The following MTMR1 variants were observed in gnomAD, a reference collection of about 807,000 sequenced individuals.
MTMR1 encodes phosphatidylinositol-3-phosphate phosphatase MTMR1.
In MTMR1, 17 loss-of-function variants were observed where a neutral mutation model predicts 51.6. That is an observed-to-expected ratio of 0.33 (90% CI 0.23 to 0.49). The LOEUF (loss-of-function observed/expected upper bound fraction) is 0.49, where lower values mean the gene tolerates loss of function less well. Ranked by LOEUF, MTMR1 falls within the 20% of genes least tolerant of loss-of-function variation. MTMR1 has a pLI of 0.99. For synonymous variants in MTMR1, 201 were observed against 205.6 expected (o/e 0.98, Z 0.19); for missense variants, 386 against 526.9 (o/e 0.73, Z 2.62).
At chrX:150,698,464 A>G (rs1051086849) in intron 1 of MTMR1, among the ~76,000 whole-genome samples, 5 of 111,136 alleles carry the variant, frequency 4.5e-5, no homozygotes, top group African/African-American at 1.6e-4. Flanking sequence ...TCAAAAGTAC[A>G]CTATTTTCTA....
At chrX:150,746,010 T>C (rs1383041237) in intron 13 of MTMR1, among the ~76,000 whole-genome samples, 1 of 112,307 alleles carries the variant, frequency 8.9e-6, no homozygotes, top group African/African-American at 3.2e-5. Flanking sequence ...GGGACTCTTA[T>C]TGAAATGCAG....
chrX:150,693,851 C>G (rs1272553620), intron 1 of MTMR1, among the ~76,000 whole-genome samples, 175 bp downstream of exon 1: 1 of 110,198 alleles, frequency 9.1e-6, no homozygotes, highest in African/African-American at 3.3e-5. Flanking sequence ...CCTCAGCGCC[C>G]CATCCGGGGA....
At chrX:150,758,599 T>C (rs2042976968) in intron 15 of MTMR1, among the ~76,000 whole-genome samples, 1 of 111,668 alleles carries the variant, frequency 9.0e-6, no homozygotes, top group South Asian at 3.7e-4. Context: ...GAGACCAGCC[T>C]GACCAACATG....
rs2043214124 is a variant in MTMR1, at chrX:150,763,852, T to C, written c.*1123T>C. ...TCTCTTCCCGCTCCTGAACCTTTACTTACTGACTTTGAGCTCTGTGACTCC... is the reference window on the plus strand; with the variant it reads ...TCTCTTCCCGCTCCTGAACCTTTACCTACTGACTTTGAGCTCTGTGACTCC... On this transcript the variant is annotated 3_prime_UTR_variant, in exon 16 of 16. Transcript: ENST00000445323. 1 of 112,513 alleles carries C rather than the reference T, an allele frequency of 8.9e-6. No individual in the cohort carries two copies. The highest frequency in any genetic ancestry group is 3.2e-5 in the African/African-American group (1 of 30,960). 9.3% of individuals were successfully genotyped at this position (112,513 alleles called of 1,213,427 possible).
At chrX:150,708,016 A>G (rs782171125) in intron 2 of MTMR1, among the ~76,000 whole-genome samples, 1 of 112,469 alleles carries the variant, frequency 8.9e-6, no homozygotes, top group East Asian at 2.8e-4. Context: ...CATTCTTCAA[A>G]TGGCAAAATG....
chrX:150,694,053 G>C (rs782006687), intron 1 of MTMR1, among the ~76,000 whole-genome samples: 1 of 111,641 alleles, frequency 9.0e-6, no homozygotes, highest in African/African-American at 3.3e-5. Context: ...TCCCACCCGG[G>C]CTCTCCTCTT....
intron 4 of MTMR1, among the ~76,000 whole-genome samples, chrX:150,719,473 CT>C (rs1298557089): frequency 8.9e-6 from 1 of 111,860 alleles, no homozygotes; most frequent in African/African-American, 3.3e-5. Flanking sequence ...CCATGCTTAT[CT>C]TGTCCTTGGT....
intron 13 of MTMR1, 137 bp downstream of exon 13, chrX:150,744,590 C>T (rs150124381): frequency 3.4e-4 from 176 of 516,926 alleles, no homozygotes; most frequent in Middle Eastern, 8.9e-4. Flanking sequence ...GATTCTAATT[C>T]GCTTAGAAAT....
intron 12 of MTMR1, among the ~76,000 whole-genome samples, chrX:150,741,708 G>A (rs2042427902): frequency 1.8e-5 from 2 of 112,623 alleles, no homozygotes; most frequent in African/African-American, 3.2e-5. Context: ...CTGACATTCC[G>A]AGGGCCAGGC....
chrX:150,750,432 G>C (rs1223760544), intron 13 of MTMR1, among the ~76,000 whole-genome samples: 1 of 111,732 alleles, frequency 8.9e-6, no homozygotes, highest in African/African-American at 3.3e-5. Flanking sequence ...CAGCTTGCTA[G>C]ATGTTTCTGA....
chrX:150,718,737 A>G (rs782431446), intron 4 of MTMR1, 37 bp downstream of exon 4: 1 of 1,154,068 alleles, frequency 8.7e-7, no homozygotes, highest in Non-Finnish European at 1.2e-6. Context: ...TTTGAGATCC[A>G]TAAAATGAAA....
intron 13 of MTMR1, among the ~76,000 whole-genome samples, chrX:150,747,277 C>G (rs2042599246): frequency 9.2e-6 from 1 of 109,207 alleles, no homozygotes; most frequent in Admixed American, 9.8e-5. Flanking sequence ...AGTGAGACAC[C>G]CCATCTCTTC....
chrX:150,713,888 GAAAC>G (rs2041399903), intron 3 of MTMR1, among the ~76,000 whole-genome samples: 1 of 100,534 alleles, frequency 9.9e-6, no homozygotes, highest in South Asian at 4.5e-4. Context: ...TAAGCAATAA[GAAAC>G]AGACATGTAT....
chrX:150,744,247 C>G, intron 12 of MTMR1, 114 bp from the exon 13 acceptor site: 1 of 482,014 alleles, frequency 2.1e-6, no homozygotes, highest in Non-Finnish European at 3.4e-6. Flanking sequence ...CTGTTATGTG[C>G]CAGGAATTCT....
intron 8 of MTMR1, 134 bp downstream of exon 8, chrX:150,730,742 G>T: frequency 3.1e-6 from 1 of 319,386 alleles, no homozygotes; most frequent in Non-Finnish European, 5.7e-6. Flanking sequence ...TAGCTTATAG[G>T]TTCTCCATCT....
intron 2 of MTMR1, among the ~76,000 whole-genome samples, chrX:150,701,851 G>A (rs1381746544): frequency 9.0e-6 from 1 of 111,285 alleles, no homozygotes; most frequent in Non-Finnish European, 1.9e-5. Flanking sequence ...GAGAGATCTT[G>A]CTTCTTTAAA....
intron 3 of MTMR1, among the ~76,000 whole-genome samples, chrX:150,717,027 A>T: frequency 9.0e-6 from 1 of 111,133 alleles, no homozygotes; most frequent in Non-Finnish European, 1.9e-5. Context: ...CCTCTTGCGG[A>T]TTCGGTGTGC....
chrX:150,762,690 GC>G lies in MTMR1; in HGVS notation c.1986del (p.Ser663ProfsTer40). On this transcript the variant is annotated frameshift_variant, in exon 16 of 16. Coordinates refer to ENST00000445323, the MANE Select transcript of MTMR1 (RefSeq NM_001306144.3). LOFTEE classifies it high-confidence loss of function. Reference protein sequence around the residue: ...VSSSSERGSSPSHSATSVHTS... With the variant: ...VSSSSERGSSXSHSATSVHTS... ...CATCCTCATCTGAGCGGGGCTCCTC[GC>G]CCTCCCACTCCGCCACCTCCGTCCA... is the stretch of plus-strand genomic sequence containing the variant. The G allele has an allele frequency of 8.4e-7, 1 of 1,187,715 alleles. No homozygotes were observed. The highest frequency in any genetic ancestry group is 1.1e-6 in the Non-Finnish European group (1 of 881,499).
At chrX:150,746,016 T>C (rs782339201) in intron 13 of MTMR1, among the ~76,000 whole-genome samples, 10 of 112,244 alleles carry the variant, frequency 8.9e-5, no homozygotes, top group African/African-American at 3.2e-4. Flanking sequence ...CTTATTGAAA[T>C]GCAGATTCTG....
Sources: gnomAD v4.1 joint callset for allele counts (sites outside exome capture counted in the v4.1 genomes callset) on GRCh38, gnomAD v4.1.1 for gene constraint, MANE v1.5 for transcripts, NCBI Gene and HGNC (gene_info 2026-07-23, HGNC 2026-07-21) for gene names.